The following RNF180 variants were observed in gnomAD, a reference collection of about 807,000 sequenced individuals.
RNF180 encodes ring finger protein 180, also known as E3 ubiquitin-protein ligase RNF180.
A neutral mutation model predicts 59.2 loss-of-function variants in RNF180; 38 were observed. The ratio of observed to expected loss-of-function variants is 0.64; its 90% CI spans 0.50 to 0.84. The LOEUF is 0.84. Ranked by LOEUF, RNF180 falls within the 40% of genes least tolerant of loss-of-function variation. The pLI, the probability that RNF180 is intolerant of heterozygous loss-of-function variation, is 0.00. For missense variants in RNF180, 705 were observed against 700.9 expected (o/e 1.01, Z -0.07); for synonymous variants, 262 against 240.3 (o/e 1.09, Z -0.84).
Position 64,354,543 on chromosome 5 carries a change from T to C in RNF180, c.1580-15072T>C, listed in dbSNP as rs535913115. On this transcript the variant is annotated intron_variant, in intron 7 of 7. Transcript: ENST00000389100. ...TATTTAAAGAAGCAACACCAATCCT[T>C]CTCAAACTGTTCAAAAAAAAAATTG... 5.1e-4 allele frequency among the ~76,000 whole-genome samples: 78 copies of C among 151,704 alleles called. 1 individual carries two copies. The South Asian group carries it at 0.016, about 31-fold the overall frequency.
intron 1 of RNF180, among the ~76,000 whole-genome samples, chr5:64,192,933 AT>A (rs1751254383): frequency 7.1e-6 from 1 of 140,434 alleles, no homozygotes. Context: ...ATATATATAT[AT>A]ATATAAAATG....
At chr5:64,279,642 T>C (rs1741903330) in intron 5 of RNF180, among the ~76,000 whole-genome samples, 1 of 152,224 alleles carries the variant, frequency 6.6e-6, no homozygotes, top group Non-Finnish European at 1.5e-5. Flanking sequence ...TTATTTTTTC[T>C]ACTTTTTTAT....
rs566078424 is a variant in RNF180 at position 64,248,230 on chromosome 5, G to A, written c.1227+30834G>A. Among the ~76,000 whole-genome samples the A allele has an allele frequency of 4.8e-4, 73 of 152,160 alleles. 1 individual carries two copies. In the South Asian group the frequency reaches 7.3e-3, roughly 15 times the overall value. On this transcript the variant is annotated intron_variant, in intron 5 of 7. Transcript: ENST00000389100. The stretch of plus-strand genomic sequence containing the variant: ...CTTCATGACTAAAACACCAAAAGCC[G>A]TGGCAACAAAAGCCAAAATAGACAA...
At chr5:64,189,457 T>C (rs1386587108) in intron 1 of RNF180, among the ~76,000 whole-genome samples, 2 of 152,116 alleles carry the variant, frequency 1.3e-5, no homozygotes, top group African/African-American at 4.8e-5. Context: ...AAGGTAGTCC[T>C]TGTTATAAAG....
Position 64,270,711 on chromosome 5 carries a change from A to C in RNF180, c.1227+53315A>C, listed in dbSNP as rs149815163. ...AGCAGTATTTTTTAAGGATTTAAAA[A>C]TTTATTTCTGTATATTACCTGTAAT... On this transcript the variant is annotated intron_variant, in intron 5 of 7. Coordinates refer to ENST00000389100, the MANE Select transcript of RNF180 (RefSeq NM_001113561.2). 3.4e-3 allele frequency among the ~76,000 whole-genome samples: 516 copies of C among 152,268 alleles called. 2 individuals are homozygous for C. The highest frequency in any genetic ancestry group is 0.011 in the African/African-American group (468 of 41,572).
chr5:64,353,715 C>G (rs1303877073), intron 7 of RNF180, among the ~76,000 whole-genome samples: 1 of 151,682 alleles, frequency 6.6e-6, no homozygotes, highest in African/African-American at 2.4e-5. Context: ...AAAAAGACAT[C>G]GTAGTACCAC....
chr5:64,273,549 A>G (rs1188729300), intron 5 of RNF180, among the ~76,000 whole-genome samples: 1 of 152,012 alleles, frequency 6.6e-6, no homozygotes, highest in Non-Finnish European at 1.5e-5. Flanking sequence ...TGTATCATAA[A>G]GATGAAAAAA....
rs180840436 is a variant in RNF180, at chr5:64,356,225, G to T, written c.1580-13390G>T. ...TGAAGTGAGCTATTGCTGTGCCACT[G>T]CACTACAGCCTGGCTGACAGAGTGA... On this transcript the variant is annotated intron_variant, in intron 7 of 7. Transcript: ENST00000389100. 1.1e-4 allele frequency among the ~76,000 whole-genome samples: 17 copies of T among 151,658 alleles called. 1 individual carries two copies. In the Admixed American group the frequency reaches 1.1e-3, roughly 10 times the overall value.
intron 5 of RNF180, among the ~76,000 whole-genome samples, chr5:64,242,516 C>T (rs187077400): frequency 2.0e-4 from 30 of 152,014 alleles, no homozygotes; most frequent in Admixed American, 1.0e-3. Flanking sequence ...GTGACCAGGA[C>T]GAGAAATGTA....
chr5:64,265,914 TCTC>T (rs1487342311), intron 5 of RNF180, among the ~76,000 whole-genome samples: 2 of 152,132 alleles, frequency 1.3e-5, no homozygotes, highest in Non-Finnish European at 2.9e-5. Context: ...GGTTTGCAGT[TCTC>T]CTTCAAGAGG....
intron 1 of RNF180, among the ~76,000 whole-genome samples, chr5:64,170,143 G>A (rs997269489): frequency 6.6e-6 from 1 of 152,216 alleles, no homozygotes; most frequent in Non-Finnish European, 1.5e-5. Flanking sequence ...CACCCTGTGG[G>A]TGCACATAAG....
chr5:64,326,017 A>G (rs1744618096), intron 6 of RNF180, among the ~76,000 whole-genome samples: 1 of 152,224 alleles, frequency 6.6e-6, no homozygotes, highest in African/African-American at 2.4e-5. Flanking sequence ...GACTAAGGGT[A>G]GAATGATAGA....
At chr5:64,287,115 T>A (rs1037054454) in intron 5 of RNF180, among the ~76,000 whole-genome samples, 33 of 152,108 alleles carry the variant, frequency 2.2e-4, no homozygotes, top group Admixed American at 6.6e-5. Flanking sequence ...TACAGGCACC[T>A]GCCACCACAC....
intron 7 of RNF180, among the ~76,000 whole-genome samples, chr5:64,355,587 G>T (rs995860657): frequency 6.6e-6 from 1 of 151,778 alleles, no homozygotes; most frequent in Non-Finnish European, 1.5e-5. Flanking sequence ...GAATTTTAAG[G>T]GGTCTTGCAT....
At chr5:64,217,472 A>G (rs1580030264) in intron 5 of RNF180, 76 bp downstream of exon 5, 1 of 1,319,478 alleles carries the variant, frequency 7.6e-7, no homozygotes, top group East Asian at 2.8e-5. Flanking sequence ...CATTCCAAGC[A>G]GCAAAGACTT....
intron 5 of RNF180, among the ~76,000 whole-genome samples, chr5:64,262,794 C>T (rs1744420695): frequency 6.6e-6 from 1 of 152,076 alleles, no homozygotes; most frequent in Non-Finnish European, 1.5e-5. Flanking sequence ...AGGGGCTCCC[C>T]AACATTTTTG....
At chr5:64,363,398 G>T (rs1746330101) in intron 7 of RNF180, among the ~76,000 whole-genome samples, 1 of 151,772 alleles carries the variant, frequency 6.6e-6, no homozygotes, top group Admixed American at 6.6e-5. Context: ...AAATAAGATG[G>T]TTGTAGATGT....
chr5:64,259,012 A>G (rs191114302), intron 5 of RNF180, among the ~76,000 whole-genome samples: 5 of 152,290 alleles, frequency 3.3e-5, no homozygotes, highest in Non-Finnish European at 7.3e-5. Flanking sequence ...AGAAGCTTAT[A>G]TAGCCACATG....
intron 5 of RNF180, among the ~76,000 whole-genome samples, chr5:64,301,118 T>G (rs2112453995): frequency 6.6e-6 from 1 of 151,944 alleles, no homozygotes; most frequent in East Asian, 1.9e-4. Flanking sequence ...CAGTAAAGAT[T>G]CATTGCTGAG....
Sources: allele counts gnomAD v4.1 joint callset (sites outside exome capture counted in the v4.1 genomes callset), GRCh38; gene constraint gnomAD v4.1.1; transcripts MANE v1.5; gene names NCBI Gene and HGNC (gene_info 2026-07-23, HGNC 2026-07-21).